Variants in AIG1 observed in about 807,000 individuals in gnomAD.
AIG1 encodes the protein androgen induced 1.
A neutral mutation model predicts 31.4 loss-of-function variants in AIG1; 23 were observed. The observed-to-expected ratio is 0.73, with a 90% CI of 0.53 to 1.04. AIG1 has a LOEUF of 1.04. Ranked by LOEUF, AIG1 falls within the 50% of genes least tolerant of loss-of-function variation. The probability of loss-of-function intolerance (pLI) is 0.00; values close to 1 mark genes in which losing one functional copy is unlikely to be tolerated. For synonymous variants in AIG1, 100 were observed against 110.5 expected, an observed-to-expected ratio of 0.90 and a Z score of 0.60; for missense variants, 274 against 295.0, an observed-to-expected ratio of 0.93 and a Z score of 0.52.
At chr6:143,316,963 A>G (rs779324402) in intron 4 of AIG1, among the ~76,000 whole-genome samples, 3 of 152,052 alleles carry the variant, frequency 2.0e-5, no homozygotes, top group Non-Finnish European at 2.9e-5. Flanking sequence ...CCAGGAAGAA[A>G]TATAAATGCT....
At chr6:143,108,418 T>G (rs1216164911) in intron 1 of AIG1, among the ~76,000 whole-genome samples, 1 of 152,186 alleles carries the variant, frequency 6.6e-6, no homozygotes, top group Non-Finnish European at 1.5e-5. Flanking sequence ...TTGTGGTGTC[T>G]ATTTGATAGC....
At chr6:143,202,791 G>A (rs539674711) in intron 3 of AIG1, among the ~76,000 whole-genome samples, 1 of 152,304 alleles carries the variant, frequency 6.6e-6, no homozygotes, top group South Asian at 2.1e-4. Flanking sequence ...TCCCGGGAGA[G>A]GAAGCAAGCA....
At chr6:143,336,532 C>T (rs1777506729) in intron 5 of AIG1, among the ~76,000 whole-genome samples, 1 of 152,148 alleles carries the variant, frequency 6.6e-6, no homozygotes, top group South Asian at 2.1e-4. Flanking sequence ...TTTGTAAATA[C>T]TTATCTCCAA....
intron 4 of AIG1, among the ~76,000 whole-genome samples, chr6:143,316,587 A>AAAG (rs1295480417): frequency 6.6e-6 from 1 of 152,142 alleles, no homozygotes; most frequent in Non-Finnish European, 1.5e-5. Context: ...ACCACACCTC[A>AAAG]AAGAACTAGA....
At chr6:143,118,523 G>GT (rs1781941474) in intron 1 of AIG1, among the ~76,000 whole-genome samples, 1 of 151,746 alleles carries the variant, frequency 6.6e-6, no homozygotes, top group Non-Finnish European at 1.5e-5. Flanking sequence ...CAACATTAAG[G>GT]TAAAAAAAAA....
intron 5 of AIG1, among the ~76,000 whole-genome samples, chr6:143,336,018 T>C (rs1777462925): frequency 6.6e-6 from 1 of 152,076 alleles, no homozygotes; most frequent in Non-Finnish European, 1.5e-5. Flanking sequence ...TGACTAACTT[T>C]CCCTCGTTCT....
At position 143,334,287 on chromosome 6, in the gene AIG1, C is replaced by G. The variant is rs1725919024; in HGVS notation, c.679+842C>G. Among the ~76,000 whole-genome samples the G allele has an allele frequency of 1.3e-5, 2 of 152,356 alleles. No homozygotes were observed. The highest frequency in any genetic ancestry group is 1.5e-5 in the Non-Finnish European group (1 of 68,042). ...TTTCCTCTGACACAATCACAGCATTCTAGACATCCCCAGTAAATGGACTCT... is the reference window on the plus strand; with the variant it reads ...TTTCCTCTGACACAATCACAGCATTGTAGACATCCCCAGTAAATGGACTCT... On this transcript the variant is annotated intron_variant, in intron 5 of 5. Coordinates refer to ENST00000357847, the MANE Select transcript of AIG1 (RefSeq NM_016108.4). The surrounding 1 kb of genome is among the most constrained non-coding windows in gnomAD (Gnocchi z 5.1).
intron 1 of AIG1, among the ~76,000 whole-genome samples, chr6:143,076,375 A>G (rs1286596448): frequency 6.6e-6 from 1 of 152,174 alleles, no homozygotes; most frequent in African/African-American, 2.4e-5. Context: ...TGATATTAGT[A>G]TAGCTTCTCC....
rs1021529692 is a variant in AIG1, at chr6:143,196,361, A to G, written c.399+31178A>G. On this transcript the variant is annotated intron_variant, in intron 3 of 5. Coordinates refer to ENST00000357847, the MANE Select transcript of AIG1 (RefSeq NM_016108.4). ...AAAGCAACAAAAGCAACACACACACACACACACACACACACACACACACAC... is the reference window on the plus strand; with the variant it reads ...AAAGCAACAAAAGCAACACACACACGCACACACACACACACACACACACAC... Among the ~76,000 whole-genome samples, 256 of 145,156 alleles carry G rather than the reference A, an allele frequency of 1.8e-3. 1 individual carries two copies. The highest frequency in any genetic ancestry group is 6.2e-3 in the African/African-American group (241 of 38,890).
intron 1 of AIG1, among the ~76,000 whole-genome samples, chr6:143,127,480 C>G (rs181718074): frequency 5.3e-4 from 81 of 152,308 alleles, no homozygotes; most frequent in Non-Finnish European, 4.4e-5. Flanking sequence ...ACCTTGACTA[C>G]CAGTCACTGG....
rs767192192 is a variant in AIG1, at chr6:143,298,950, G to A, written c.515+14725G>A. Reference sequence around the variant, plus strand: ...TGTGTTCTAAAGCCAGTAATAGCAGGACACATGGTAGTACTACCAGACCAG... The same window carrying A: ...TGTGTTCTAAAGCCAGTAATAGCAGAACACATGGTAGTACTACCAGACCAG... On this transcript the variant is annotated intron_variant, in intron 4 of 5. Coordinates refer to ENST00000357847, the MANE Select transcript of AIG1 (RefSeq NM_016108.4). This position sits in a 1 kb window ranked among gnomAD's most constrained non-coding sequence, Gnocchi z 5.1. 3.3e-5 allele frequency: 5 copies of A among 152,164 alleles called. No homozygotes were observed. The highest frequency in any genetic ancestry group is 7.2e-5 in the African/African-American group (3 of 41,430). 9.4% of individuals were successfully genotyped at this position (152,164 alleles called of 1,614,324 possible). A position where few individuals can be genotyped will look rare whatever the true frequency, so the allele number is the denominator to read the frequency against.
At chr6:143,092,932 C>T in intron 1 of AIG1, among the ~76,000 whole-genome samples, 1 of 152,136 alleles carries the variant, frequency 6.6e-6, no homozygotes, top group Non-Finnish European at 1.5e-5. Context: ...TGGCTATAGT[C>T]CCAGGTACTC....
intron 2 of AIG1, among the ~76,000 whole-genome samples, chr6:143,155,480 G>A (rs945463920): frequency 6.6e-6 from 1 of 152,062 alleles, no homozygotes; most frequent in Non-Finnish European, 1.5e-5. Flanking sequence ...AACATTGATG[G>A]GGACCTGGAG....
chr6:143,067,237 A>G (rs1302196120), intron 1 of AIG1, among the ~76,000 whole-genome samples: 2 of 152,184 alleles, frequency 1.3e-5, no homozygotes, highest in Non-Finnish European at 2.9e-5. Flanking sequence ...AGTGTAATAT[A>G]TAGAAAAATT....
chr6:143,270,929 C>T (rs1245543386), intron 3 of AIG1, among the ~76,000 whole-genome samples: 2 of 152,088 alleles, frequency 1.3e-5, no homozygotes, highest in Admixed American at 6.6e-5. Flanking sequence ...CGTGTGCTTG[C>T]GTATGTTTGC....
chr6:143,201,014 C>T (rs1018562380), intron 3 of AIG1, among the ~76,000 whole-genome samples: 4 of 152,102 alleles, frequency 2.6e-5, no homozygotes, highest in African/African-American at 7.2e-5. Flanking sequence ...ACCTATTTCC[C>T]GTCTCAGTAA....
chr6:143,228,844 T>A (rs1013367219), intron 3 of AIG1, among the ~76,000 whole-genome samples: 2 of 152,212 alleles, frequency 1.3e-5, no homozygotes, highest in Non-Finnish European at 2.9e-5. Flanking sequence ...TTCCAAGATG[T>A]CAAGTATAAA....
intron 1 of AIG1, among the ~76,000 whole-genome samples, chr6:143,113,464 A>G (rs923580039): frequency 2.0e-5 from 3 of 151,466 alleles, no homozygotes; most frequent in Middle Eastern, 3.2e-3. Context: ...TTAGCCGGGC[A>G]TGGTGGCATG....
chr6:143,170,474 A>G (rs995702405), intron 3 of AIG1, among the ~76,000 whole-genome samples: 4 of 151,802 alleles, frequency 2.6e-5, no homozygotes, highest in Admixed American at 6.6e-5. Context: ...TCGTATTTCT[A>G]TGGTATCAGT....
Sources: gnomAD v4.1 joint callset for allele counts (sites outside exome capture counted in the v4.1 genomes callset) on GRCh38, gnomAD v4.1.1 for gene constraint, Gnocchi (gnomAD v3.1) non-coding constraint, MANE v1.5 for transcripts, NCBI Gene and HGNC (gene_info 2026-07-23, HGNC 2026-07-21) for gene names.